SMARCA2: variants seen among roughly 807,000 people sequenced by gnomAD.
SMARCA2 encodes the protein SWI/SNF related BAF chromatin remodeling complex subunit ATPase 2.
Under a neutral mutation model 199.8 loss-of-function variants are expected in SMARCA2, and 61 were observed. The ratio of observed to expected loss-of-function variants is 0.31; its 90% CI spans 0.25 to 0.38. The LOEUF (loss-of-function observed/expected upper bound fraction) is 0.38. Ranked by LOEUF, SMARCA2 falls within the 10% of genes least tolerant of loss-of-function variation. SMARCA2 has a pLI of 1.00. For synonymous variants in SMARCA2, 935 were observed against 732.0 expected (o/e 1.28, Z -4.48); for missense variants, 1,344 against 2,012.2 (o/e 0.67, Z 6.35).
chr9:2,155,408 G>C (rs536911838), intron 27 of SMARCA2, among the ~76,000 whole-genome samples: 2 of 151,660 alleles, frequency 1.3e-5, no homozygotes, highest in African/African-American at 4.8e-5. Flanking sequence ...TCAGCCTCCC[G>C]AGTAGCTGGG....
chr9:2,084,218 TTC>T (rs752136754), intron 17 of SMARCA2, 22 bp downstream of exon 17: 1 of 1,289,298 alleles, frequency 7.8e-7, no homozygotes, highest in Admixed American at 1.7e-5. Flanking sequence ...AAAAATTATT[TTC>T]TCTCTAATTA....
At chr9:2,053,000 G>T (rs1197934201) in intron 5 of SMARCA2, among the ~76,000 whole-genome samples, 1 of 152,054 alleles carries the variant, frequency 6.6e-6, no homozygotes, top group Non-Finnish European at 1.5e-5. Context: ...TTAGATTGAG[G>T]GGATTCATGA....
chr9:2,182,049 C>G (rs951328996), intron 30 of SMARCA2, 92 bp from the exon 31 acceptor site: 3 of 881,594 alleles, frequency 3.4e-6, no homozygotes, highest in African/African-American at 3.3e-5. Flanking sequence ...GCTGTGAAGA[C>G]AAAGGGAAAA....
At chr9:2,092,914 A>T (rs986824660) in intron 19 of SMARCA2, among the ~76,000 whole-genome samples, 2 of 152,238 alleles carry the variant, frequency 1.3e-5, no homozygotes, top group Non-Finnish European at 2.9e-5. Flanking sequence ...GGATGAACTC[A>T]GACTCAACCG....
At chr9:2,034,290 C>T (rs1389960082) in intron 3 of SMARCA2, among the ~76,000 whole-genome samples, 3 of 151,962 alleles carry the variant, frequency 2.0e-5, no homozygotes, top group Non-Finnish European at 4.4e-5. Flanking sequence ...AGGCACATTC[C>T]CAGGTACTGG....
intron 16 of SMARCA2, 109 bp downstream of exon 16, chr9:2,083,522 A>G: frequency 1.6e-6 from 1 of 631,914 alleles, no homozygotes; most frequent in South Asian, 2.1e-5. Context: ...AAGTTTTGTC[A>G]TGTACATCAT....
chr9:2,095,794 A>T (rs374687914), intron 19 of SMARCA2, among the ~76,000 whole-genome samples: 1 of 152,216 alleles, frequency 6.6e-6, no homozygotes, highest in East Asian at 1.9e-4. Context: ...CAGCTTGCTG[A>T]TTTATTTTTA....
intron 19 of SMARCA2, among the ~76,000 whole-genome samples, chr9:2,088,879 A>ATTTTTTTTTTTTTTTTTT (rs375056248): frequency 7.2e-6 from 1 of 137,976 alleles, no homozygotes; most frequent in South Asian, 2.3e-4. Flanking sequence ...TTAATTTTAG[A>ATTTTTTTTTTTTTTTTTT]TTTTTTTTTT....
intron 27 of SMARCA2, chr9:2,159,348 A>G: frequency 4.1e-6 from 1 of 240,986 alleles, no homozygotes; most frequent in Non-Finnish European, 8.0e-6. Flanking sequence ...AAATATTTGA[A>G]TCTTAGAACA....
chr9:2,105,764 C>T (rs547442889), intron 23 of SMARCA2, among the ~76,000 whole-genome samples: 21 of 152,178 alleles, frequency 1.4e-4, no homozygotes, highest in Non-Finnish European at 2.6e-4. Flanking sequence ...TTACCTGCTG[C>T]TCAAGTGAGG....
At chr9:2,162,036 C>T in intron 28 of SMARCA2, 133 bp downstream of exon 28, 1 of 650,728 alleles carries the variant, frequency 1.5e-6, no homozygotes, top group Non-Finnish European at 2.6e-6. Flanking sequence ...TTATGGCTTT[C>T]TCTCTTTGTA....
At chr9:2,031,752 C>G (rs189452102) in intron 2 of SMARCA2, among the ~76,000 whole-genome samples, 25 of 152,308 alleles carry the variant, frequency 1.6e-4, no homozygotes, top group African/African-American at 5.8e-4. Flanking sequence ...AGATAGTTCC[C>G]TGCGTGAGGA....
Position 2,039,883 on chromosome 9 carries a change from A to G in SMARCA2, c.773A>G (p.Asn258Ser), listed in dbSNP as rs533021915. The G allele has an allele frequency of 1.2e-6, 2 of 1,613,914 alleles. No individual in the cohort carries two copies. Among genetic ancestry groups the G allele is most frequent in the Admixed American group, 1.7e-5 (1 of 60,002 alleles). Reference protein sequence around the residue: ...TQQQQQPALVNYNRPSGPGPE... With the variant: ...TQQQQQPALVSYNRPSGPGPE... ...CAACAACAGCAGCCGGCCCTTGTTAACTACAACAGACCATCTGGTAGGTTA... is the reference window on the plus strand; with the variant it reads ...CAACAACAGCAGCCGGCCCTTGTTAGCTACAACAGACCATCTGGTAGGTTA... The change falls in exon 4 of 34, where the codon AAC becomes AGC. Residue 258 changes from asparagine to serine, a missense_variant. Asn to Ser is a conservative substitution (Grantham distance 46). Coordinates refer to ENST00000349721, the MANE Select transcript of SMARCA2 (RefSeq NM_003070.5). The surrounding 1 kb of genome is among the most constrained non-coding windows in gnomAD (Gnocchi z 4.8).
At chr9:2,060,718 C>A in intron 8 of SMARCA2, 98 bp from the exon 9 acceptor site, 1 of 1,141,950 alleles carries the variant, frequency 8.8e-7, no homozygotes, top group Non-Finnish European at 1.3e-6. Context: ...ACACTCCTAC[C>A]AGTCAAAATG....
chr9:2,174,512 G>A (rs144774678), intron 29 of SMARCA2, among the ~76,000 whole-genome samples: 81 of 152,290 alleles, frequency 5.3e-4, no homozygotes, highest in African/African-American at 1.7e-3. Flanking sequence ...ACAAAGCAGC[G>A]TGTGGGACTT....
chr9:2,191,497 G>A (rs969626032), intron 33 of SMARCA2, 89 bp downstream of exon 33: 23 of 1,395,718 alleles, frequency 1.6e-5, no homozygotes, highest in South Asian at 1.6e-4. Context: ...CAGCCTTTTC[G>A]CTTTATTACC....
intron 4 of SMARCA2, chr9:2,041,477 A>C: frequency 2.5e-6 from 1 of 398,494 alleles, no homozygotes; most frequent in Non-Finnish European, 4.4e-6. Flanking sequence ...CTCTTTTACA[A>C]GGGCATGAAT....
chr9:2,121,631 T>A (rs529927243), intron 26 of SMARCA2, among the ~76,000 whole-genome samples: 1 of 152,240 alleles, frequency 6.6e-6, no homozygotes, highest in Non-Finnish European at 1.5e-5. Flanking sequence ...GTGAGTTCTC[T>A]ATAAAATTAA....
chr9:2,185,415 C>G (rs185019858), intron 31 of SMARCA2, among the ~76,000 whole-genome samples: 24 of 152,306 alleles, frequency 1.6e-4, no homozygotes, highest in African/African-American at 5.5e-4. Context: ...ACTCATTTGT[C>G]GATGGACCCT....
Sources: gnomAD v4.1 joint callset for allele counts (sites outside exome capture counted in the v4.1 genomes callset) on GRCh38, gnomAD v4.1.1 for gene constraint, Gnocchi (gnomAD v3.1) non-coding constraint, MANE v1.5 for transcripts, NCBI Gene and HGNC (gene_info 2026-07-23, HGNC 2026-07-21) for gene names.